The following HNMT variants were observed in gnomAD, a reference collection of about 807,000 sequenced individuals.
HNMT encodes histamine N-methyltransferase.
HNMT carries 30 observed loss-of-function variants against 32.1 expected under a neutral mutation model. The observed-to-expected ratio is 0.93, with a 90% CI of 0.70 to 1.27. HNMT has a LOEUF of 1.27. Ranked by LOEUF, HNMT falls within the 50% of genes most tolerant of loss-of-function variation. The pLI is 0.00. For synonymous variants in HNMT, 125 were observed against 119.0 expected (o/e 1.05, Z -0.33); for missense variants, 327 against 346.0 (o/e 0.95, Z 0.43).
chr2:138,007,461 G>C (rs1681363194), intron 5 of HNMT, among the ~76,000 whole-genome samples: 1 of 151,922 alleles, frequency 6.6e-6, no homozygotes, highest in Admixed American at 6.6e-5. Context: ...AGTAGAACTG[G>C]AATGTCCCCA....
At chr2:137,985,196 C>T (rs539965293) in intron 2 of HNMT, among the ~76,000 whole-genome samples, 6 of 142,658 alleles carry the variant, frequency 4.2e-5, no homozygotes, top group African/African-American at 7.7e-5. Flanking sequence ...CCACAGGAAC[C>T]GAAACTAAAA....
chr2:137,966,428 A>G (rs867852604), intron 1 of HNMT, among the ~76,000 whole-genome samples: 5 of 152,354 alleles, frequency 3.3e-5, no homozygotes, highest in Middle Eastern at 6.8e-3. Context: ...CTGTATTAAA[A>G]TAGCTAAGTA....
At chr2:137,968,698 G>A (rs1680032089) in intron 1 of HNMT, among the ~76,000 whole-genome samples, 1 of 151,580 alleles carries the variant, frequency 6.6e-6, no homozygotes, top group South Asian at 2.1e-4. Context: ...GGATGTGTTA[G>A]GACTCAGGAT....
intron 2 of HNMT, among the ~76,000 whole-genome samples, chr2:137,994,739 A>C (rs907949279): frequency 6.6e-6 from 1 of 152,246 alleles, no homozygotes; most frequent in African/African-American, 2.4e-5. Context: ...GCCACTTGGC[A>C]CTTATTCTAA....
intron 2 of HNMT, among the ~76,000 whole-genome samples, chr2:137,970,935 AAGAAAGAAAG>A (rs1157198445): frequency 0.011 from 943 of 89,726 alleles, 38 homozygotes; most frequent in African/African-American, 0.021. Context: ...AAAAAAAAAA[AAGAAAGAAAG>A]AAAGAAAGAA....
chr2:137,998,475 T>C (rs1224047765), intron 2 of HNMT, among the ~76,000 whole-genome samples: 1 of 152,138 alleles, frequency 6.6e-6, no homozygotes, highest in East Asian at 1.9e-4. Flanking sequence ...TCACCCTACT[T>C]ATGAGGTCAG....
chr2:137,971,186 C>CTT (rs112341366), intron 2 of HNMT, among the ~76,000 whole-genome samples: 60 of 145,840 alleles, frequency 4.1e-4, no homozygotes, highest in African/African-American at 1.1e-3. Flanking sequence ...TCCTAAGCAC[C>CTT]TTTTTTTTTT....
chr2:137,968,728 A>G (rs967713552), intron 1 of HNMT, among the ~76,000 whole-genome samples: 6 of 152,174 alleles, frequency 3.9e-5, no homozygotes, highest in Non-Finnish European at 4.4e-5. Flanking sequence ...GAGGATAATT[A>G]GAATTGAAGA....
intron 4 of HNMT, 150 bp from the exon 5 acceptor site, chr2:138,004,982 T>G: frequency 1.8e-6 from 1 of 562,258 alleles, no homozygotes. Flanking sequence ...TATGTCTTCA[T>G]GCAACGTCTT....
intron 2 of HNMT, among the ~76,000 whole-genome samples, chr2:137,997,452 G>A (rs1681031388): frequency 6.6e-6 from 1 of 152,138 alleles, no homozygotes; most frequent in African/African-American, 2.4e-5. Context: ...TCAGAGAAAT[G>A]CAAATCAAAA....
At chr2:137,984,643 G>A (rs1680598544) in intron 2 of HNMT, among the ~76,000 whole-genome samples, 1 of 152,052 alleles carries the variant, frequency 6.6e-6, no homozygotes, top group South Asian at 2.1e-4. Context: ...ATACTTGTTG[G>A]TTATCTCGAA....
intron 2 of HNMT, chr2:137,981,619 A>G: frequency 3.9e-6 from 2 of 510,968 alleles, no homozygotes; most frequent in Non-Finnish European, 7.0e-6. Flanking sequence ...TTGTTGAAGT[A>G]ATGTATAATA....
intron 4 of HNMT, among the ~76,000 whole-genome samples, chr2:138,004,246 G>A (rs1488504958): frequency 6.6e-6 from 1 of 152,088 alleles, no homozygotes; most frequent in African/African-American, 2.4e-5. Flanking sequence ...GGTGGAAAAT[G>A]TGGAGTGTGG....
chr2:138,009,067 C>T (rs1199088006), intron 5 of HNMT, among the ~76,000 whole-genome samples: 1 of 151,756 alleles, frequency 6.6e-6, no homozygotes, highest in Non-Finnish European at 1.5e-5. Context: ...GAGAAACAAC[C>T]CCATTAAAAC....
intron 2 of HNMT, among the ~76,000 whole-genome samples, chr2:137,994,940 C>G (rs970673930): frequency 6.6e-6 from 1 of 152,068 alleles, no homozygotes. Flanking sequence ...GAAATTAAAG[C>G]AGAGATCAAG....
chr2:137,990,067 A>G (rs961609606), intron 2 of HNMT, among the ~76,000 whole-genome samples: 1 of 152,114 alleles, frequency 6.6e-6, no homozygotes, highest in Non-Finnish European at 1.5e-5. Context: ...TTTCTTTTGT[A>G]GAGCAGAAGT....
intron 5 of HNMT, among the ~76,000 whole-genome samples, chr2:138,008,711 C>T (rs967483936): frequency 3.9e-5 from 6 of 152,008 alleles, no homozygotes; most frequent in Non-Finnish European, 5.9e-5. Context: ...GGTGGGATAA[C>T]TGGCTAGCCA....
intron 2 of HNMT, among the ~76,000 whole-genome samples, chr2:137,989,139 G>A (rs181805631): frequency 5.9e-5 from 9 of 152,094 alleles, no homozygotes; most frequent in Admixed American, 1.3e-4. Context: ...TGTATTCCAC[G>A]GGTTTAAACA....
chr2:138,000,292 A>G (rs986399632), intron 2 of HNMT, among the ~76,000 whole-genome samples: 6 of 152,092 alleles, frequency 3.9e-5, no homozygotes, highest in Non-Finnish European at 8.8e-5. Flanking sequence ...TCACTCTGGC[A>G]TCATCTCTCG....
Sources: allele counts gnomAD v4.1 joint callset (sites outside exome capture counted in the v4.1 genomes callset), GRCh38; gene constraint gnomAD v4.1.1; transcripts MANE v1.5; gene names NCBI Gene and HGNC (gene_info 2026-07-23, HGNC 2026-07-21).